The following CFTR variants were observed in gnomAD, a reference collection of about 807,000 sequenced individuals.
CFTR encodes the protein cystic fibrosis transmembrane conductance regulator.
A neutral mutation model predicts 171.6 loss-of-function variants in CFTR; 181 were observed. The observed-to-expected ratio is 1.05, with a 90% CI of 0.93 to 1.19. CFTR has a LOEUF of 1.19. Among genes scored for constraint, CFTR ranks in the 50% most tolerant of loss-of-function variants. The pLI, the probability that CFTR is intolerant of heterozygous loss-of-function variation, is 0.00. For missense variants in CFTR, 1,968 were observed against 1,734.7 expected (o/e 1.13, Z -2.39); for synonymous variants, 583 against 608.0 (o/e 0.96, Z 0.60).
At chr7:117,502,606 A>G (rs895276092) in intron 1 of CFTR, among the ~76,000 whole-genome samples, 4 of 152,214 alleles carry the variant, frequency 2.6e-5, no homozygotes, top group East Asian at 1.9e-4. Context: ...ATACTGGGAT[A>G]GTATGCACCA....
Position 117,592,166 on chromosome 7 carries a change from C to T in CFTR, c.1999C>T (p.His667Tyr), listed in dbSNP as rs1387601608. 6.2e-7 allele frequency: 1 copy of T among 1,613,928 alleles called. No individual in the cohort carries two copies. The highest frequency in any genetic ancestry group is 1.6e-4 in the Middle Eastern group (1 of 6,062). The change falls in exon 14 of 27, where the codon CAC (histidine) becomes TAC (tyrosine). Residue 667 changes from histidine to tyrosine, a missense_variant. Transcript: ENST00000003084. ...AAATTCAATCCTAACTGAGACCTTA[C>T]ACCGTTTCTCATTAGAAGGAGATGC... ...RRNSILTETL[H>Y]RFSLEGDAPV...
chr7:117,558,114 GTTT>G (rs2115933101), intron 10 of CFTR, among the ~76,000 whole-genome samples: 1 of 151,596 alleles, frequency 6.6e-6, no homozygotes, highest in South Asian at 2.1e-4. Context: ...GTCTTATTAT[GTTT>G]TGTTTTATGT....
At chr7:117,647,272 A>G (rs1041718830) in intron 23 of CFTR, 5 of 151,882 alleles carry the variant, frequency 3.3e-5, no homozygotes, top group Admixed American at 2.6e-4. Context: ...GCCCAGCTGT[A>G]TTAGTCCATC....
At chr7:117,510,490 A>T (rs1474598751) in intron 3 of CFTR, among the ~76,000 whole-genome samples, 4 of 152,176 alleles carry the variant, frequency 2.6e-5, no homozygotes, top group Non-Finnish European at 4.4e-5. Flanking sequence ...AGTAATTGTT[A>T]TGTCATGGCC....
intron 23 of CFTR, among the ~76,000 whole-genome samples, chr7:117,650,861 C>T (rs1793078303): frequency 6.6e-6 from 1 of 152,110 alleles, no homozygotes; most frequent in African/African-American, 2.4e-5. Context: ...TTAATCTTTC[C>T]TGAGCTTTAA....
In CFTR at chr7:117,524,583, A is replaced by T. The variant is rs189979646; in HGVS notation, c.274-6316A>T. Among the ~76,000 whole-genome samples, 7 of 152,336 alleles carry T rather than the reference A, an allele frequency of 4.6e-5. No homozygotes were observed. In the East Asian group the frequency reaches 1.3e-3, roughly 29 times the overall value. ...AGATATATTTATAATTTTAAATCCA[A>T]GATTTACCTTAATTGTACATTTTCC... On this transcript the variant is annotated intron_variant, in intron 3 of 26. Coordinates refer to ENST00000003084, the MANE Select transcript of CFTR (RefSeq NM_000492.4).
At chr7:117,578,733 T>C (rs1791809524) in intron 11 of CFTR, among the ~76,000 whole-genome samples, 1 of 152,146 alleles carries the variant, frequency 6.6e-6, no homozygotes, top group African/African-American at 2.4e-5. Context: ...GCTTGAAACA[T>C]CTTCATTTTC....
chr7:117,484,650 G>A (rs1798044633), intron 1 of CFTR, among the ~76,000 whole-genome samples: 1 of 151,990 alleles, frequency 6.6e-6, no homozygotes, highest in Admixed American at 6.5e-5. Context: ...AGTTCTAAAA[G>A]TACCTCCTGT....
chr7:117,497,699 C>G (rs1476295534), intron 1 of CFTR, among the ~76,000 whole-genome samples: 1 of 151,928 alleles, frequency 6.6e-6, no homozygotes, highest in African/African-American at 2.4e-5. Context: ...AGAAAGAAAC[C>G]ATGTGTGAGA....
rs184414112 is a variant in CFTR, at chr7:117,509,574, G to A, written c.273+432G>A. ...TGAAATCATATCTGCATGGTGAATT[G>A]TTTCAAAGAAAAACACTAAAAATTT... On this transcript the variant is annotated intron_variant, in intron 3 of 26. Transcript: ENST00000003084. Among the ~76,000 whole-genome samples the A allele has an allele frequency of 9.9e-5, 15 of 152,172 alleles. No homozygotes were observed. The East Asian group carries it at 2.9e-3, about 29-fold the overall frequency.
chr7:117,568,639 A>G (rs962645002), intron 11 of CFTR, among the ~76,000 whole-genome samples: 1 of 152,198 alleles, frequency 6.6e-6, no homozygotes, highest in Non-Finnish European at 1.5e-5. Context: ...TTGTAGGTAT[A>G]TGTCATTTAC....
intron 6 of CFTR, 115 bp from the exon 7 acceptor site, chr7:117,536,433 A>G (rs532407036): frequency 2.0e-6 from 2 of 1,025,230 alleles, no homozygotes; most frequent in South Asian, 1.4e-5. Flanking sequence ...TAATAAAATA[A>G]TGCCCATCTG....
chr7:117,560,075 C>T (rs1490580914), intron 11 of CFTR, among the ~76,000 whole-genome samples: 4 of 151,932 alleles, frequency 2.6e-5, no homozygotes, highest in African/African-American at 7.2e-5. Context: ...TTTAATAATA[C>T]TATAGCCTAA....
chr7:117,535,867 C>T (rs1466192435), intron 6 of CFTR, among the ~76,000 whole-genome samples: 1 of 152,128 alleles, frequency 6.6e-6, no homozygotes, highest in Non-Finnish European at 1.5e-5. Context: ...GTAAATATTA[C>T]TTTCTGTATC....
intron 11 of CFTR, among the ~76,000 whole-genome samples, chr7:117,578,786 T>C (rs1791810263): frequency 6.6e-6 from 1 of 152,178 alleles, no homozygotes; most frequent in South Asian, 2.1e-4. Context: ...AAAATCTCTC[T>C]TTTAAGCTAA....
intron 11 of CFTR, among the ~76,000 whole-genome samples, chr7:117,587,283 A>AGG (rs887501020): frequency 3.3e-5 from 5 of 152,148 alleles, no homozygotes; most frequent in African/African-American, 1.2e-4. Flanking sequence ...TAGATCCTGC[A>AGG]GGGGTGTGAA....
At chr7:117,576,584 G>C (rs1241545176) in intron 11 of CFTR, among the ~76,000 whole-genome samples, 4 of 151,984 alleles carry the variant, frequency 2.6e-5, no homozygotes, top group African/African-American at 9.7e-5. Context: ...TCTCACATCA[G>C]TATCTACTTT....
At chr7:117,494,112 C>A (rs1242868159) in intron 1 of CFTR, among the ~76,000 whole-genome samples, 1 of 152,106 alleles carries the variant, frequency 6.6e-6, no homozygotes, top group Non-Finnish European at 1.5e-5. Context: ...GATGCAGCAT[C>A]AGTTTCAGTA....
chr7:117,514,062 G>A (rs1248842332), intron 3 of CFTR, among the ~76,000 whole-genome samples: 1 of 152,094 alleles, frequency 6.6e-6, no homozygotes, highest in Non-Finnish European at 1.5e-5. Context: ...CCAAAGTTGA[G>A]AACTATTTGT....
Sources: gnomAD v4.1 joint callset for allele counts (sites outside exome capture counted in the v4.1 genomes callset) on GRCh38, gnomAD v4.1.1 for gene constraint, MANE v1.5 for transcripts, NCBI Gene and HGNC (gene_info 2026-07-23, HGNC 2026-07-21) for gene names.